The following HIVEP3 variants were observed in gnomAD, a reference collection of about 807,000 sequenced individuals.
HIVEP3 encodes the protein transcription factor HIVEP3.
Under a neutral mutation model 152.8 loss-of-function variants are expected in HIVEP3, and 49 were observed. The observed-to-expected ratio is 0.32, with a 90% CI of 0.26 to 0.41. HIVEP3 has a LOEUF of 0.41. Ranked by LOEUF, HIVEP3 falls within the 10% of genes least tolerant of loss-of-function variation. The pLI is 1.00. For synonymous variants in HIVEP3, 1,269 were observed against 1,289.0 expected, an observed-to-expected ratio of 0.98 and a Z score of 0.33; for missense variants, 2,790 against 3,103.3, an observed-to-expected ratio of 0.90 and a Z score of 2.40.
chr1:42,024,110 T>C (rs529336833), intron 1 of HIVEP3, among the ~76,000 whole-genome samples: 5 of 152,248 alleles, frequency 3.3e-5, no homozygotes, highest in Non-Finnish European at 4.4e-5. Flanking sequence ...GTCCTCTGAC[T>C]TAGTTCTCCT....
intron 2 of HIVEP3, among the ~76,000 whole-genome samples, chr1:41,699,644 T>C (rs912016212): frequency 5.9e-5 from 9 of 152,006 alleles, no homozygotes; most frequent in Non-Finnish European, 4.4e-5. Context: ...CAACGCAGGA[T>C]GGGGCCCCGG....
intron 2 of HIVEP3, among the ~76,000 whole-genome samples, chr1:41,697,287 C>T (rs761710712): frequency 7.9e-5 from 12 of 152,176 alleles, no homozygotes; most frequent in East Asian, 1.9e-4. Context: ...CCACCCACAG[C>T]GCACTGAGCT....
intron 3 of HIVEP3, among the ~76,000 whole-genome samples, chr1:41,602,335 A>C (rs1393285393): frequency 6.6e-6 from 1 of 152,152 alleles, no homozygotes; most frequent in Non-Finnish European, 1.5e-5. Context: ...AAATCTTTAA[A>C]AAATATTTTG....
chr1:41,688,777 C>T (rs539781342), intron 2 of HIVEP3, among the ~76,000 whole-genome samples: 4 of 152,348 alleles, frequency 2.6e-5, no homozygotes, highest in South Asian at 2.1e-4. Context: ...CTCCTCGGCA[C>T]CATGCTCCAG....
chr1:41,950,747 C>G (rs936890694), intron 1 of HIVEP3, among the ~76,000 whole-genome samples: 1 of 152,198 alleles, frequency 6.6e-6, no homozygotes, highest in African/African-American at 2.4e-5. Context: ...TGGGAACTCT[C>G]TCTGTACTTT....
At chr1:41,874,621 G>C (rs1644137364) in intron 1 of HIVEP3, among the ~76,000 whole-genome samples, 1 of 152,180 alleles carries the variant, frequency 6.6e-6, no homozygotes, top group African/African-American at 2.4e-5. Flanking sequence ...TGAGCAGCGG[G>C]TGAGGAGGAC....
chr1:41,609,419 G>A (rs531247261), intron 3 of HIVEP3, among the ~76,000 whole-genome samples: 21 of 152,384 alleles, frequency 1.4e-4, no homozygotes, highest in African/African-American at 4.6e-4. Flanking sequence ...GCCTAAGGGC[G>A]TGCAAGCCTC....
At chr1:42,016,531 T>C (rs1434383859) in intron 1 of HIVEP3, among the ~76,000 whole-genome samples, 1 of 152,138 alleles carries the variant, frequency 6.6e-6, no homozygotes, top group Non-Finnish European at 1.5e-5. Flanking sequence ...GACATTTTGG[T>C]ATAGTTCCTA....
intron 5 of HIVEP3, among the ~76,000 whole-genome samples, chr1:41,530,368 G>A (rs1330031951): frequency 1.3e-5 from 2 of 152,172 alleles, no homozygotes; most frequent in Admixed American, 6.5e-5. Context: ...ATGTGACAGC[G>A]GCTCACCCTC....
At chr1:41,824,211 C>A (rs570590026) in intron 1 of HIVEP3, among the ~76,000 whole-genome samples, 1 of 152,220 alleles carries the variant, frequency 6.6e-6, no homozygotes, top group Admixed American at 6.5e-5. Flanking sequence ...TCCCCCCAGG[C>A]CTTCTCATTC....
chr1:41,783,086 G>C (rs1649146196), intron 1 of HIVEP3, among the ~76,000 whole-genome samples: 1 of 152,212 alleles, frequency 6.6e-6, no homozygotes, highest in Non-Finnish European at 1.5e-5. Flanking sequence ...GGATGCAGCT[G>C]ACTCTGGTGG....
At chr1:41,806,241 T>C (rs1650601051) in intron 1 of HIVEP3, among the ~76,000 whole-genome samples, 2 of 151,978 alleles carry the variant, frequency 1.3e-5, no homozygotes, top group Admixed American at 1.3e-4. Flanking sequence ...CCCCTTATCA[T>C]CCCCTCTCTT....
chr1:41,525,112 T>A (rs547981673), intron 5 of HIVEP3, among the ~76,000 whole-genome samples: 1 of 152,168 alleles, frequency 6.6e-6, no homozygotes, highest in South Asian at 2.1e-4. Flanking sequence ...CCCCTCCCCC[T>A]CAGACGGGGG....
At chr1:41,921,334 T>C (rs1386502394), upstream of HIVEP3, among the ~76,000 whole-genome samples, 1 of 152,224 alleles carries the variant, frequency 6.6e-6, no homozygotes, top group Non-Finnish European at 1.5e-5. Context: ...CCACATGTCA[T>C]GGGAAGGACC....
chr1:41,712,281 G>A (rs1285087992), intron 1 of HIVEP3, among the ~76,000 whole-genome samples: 2 of 152,202 alleles, frequency 1.3e-5, no homozygotes, highest in Non-Finnish European at 1.5e-5. Flanking sequence ...GAGGCATGCC[G>A]CCCTAGTCGC....
rs115767889 is a variant in HIVEP3 at position 41,556,078 on chromosome 1, T to A, written c.5207+19466A>T. On this transcript the variant is annotated intron_variant, in intron 5 of 8. Coordinates refer to ENST00000372583, the MANE Select transcript of HIVEP3 (RefSeq NM_024503.5). ...GCTTCCAGCTTTTGACTATTGTGAA[T>A]AATGCTGCTGAACACAGGTGTACAA... 9.6e-3 allele frequency among the ~76,000 whole-genome samples: 1,458 copies of A among 152,346 alleles called. 23 individuals are homozygous for A. The highest frequency in any genetic ancestry group is 0.033 in the African/African-American group (1,375 of 41,568).
At chr1:41,512,703 T>C in intron 8 of HIVEP3, 113 bp downstream of exon 8, 1 of 843,262 alleles carries the variant, frequency 1.2e-6, no homozygotes, top group Non-Finnish European at 1.8e-6. Flanking sequence ...TATTAATAAC[T>C]ACTGAGCTGG....
At chr1:41,685,605 C>G (rs2124098430) in intron 2 of HIVEP3, among the ~76,000 whole-genome samples, 1 of 152,370 alleles carries the variant, frequency 6.6e-6, no homozygotes, top group East Asian at 1.9e-4. Context: ...GATCATCTTT[C>G]TCTCATGAAC....
intron 1 of HIVEP3, among the ~76,000 whole-genome samples, chr1:42,033,320 T>G (rs1225544486): frequency 6.6e-6 from 1 of 152,138 alleles, no homozygotes; most frequent in South Asian, 2.1e-4. Context: ...TTCTTTTAAT[T>G]GTCTTTTTTT....
Sources: allele counts gnomAD v4.1 joint callset (sites outside exome capture counted in the v4.1 genomes callset), GRCh38; gene constraint gnomAD v4.1.1; transcripts MANE v1.5; gene names NCBI Gene and HGNC (gene_info 2026-07-23, HGNC 2026-07-21).